GSG1L: variants seen among roughly 807,000 people sequenced by gnomAD.
GSG1L encodes GSG1 like, also known as germ cell-specific gene 1-like protein.
In GSG1L, 24 loss-of-function variants were observed where a neutral mutation model predicts 42.1. The ratio of observed to expected loss-of-function variants is 0.57; its 90% CI spans 0.41 to 0.80. The LOEUF is 0.80. Ranked by LOEUF, GSG1L falls within the 30% of genes least tolerant of loss-of-function variation. The probability of loss-of-function intolerance (pLI) is 0.00; values close to 1 mark genes in which losing one functional copy is unlikely to be tolerated. For missense variants in GSG1L, 445 were observed against 472.2 expected, an observed-to-expected ratio of 0.94 and a Z score of 0.53; for synonymous variants, 215 against 203.5, an observed-to-expected ratio of 1.06 and a Z score of -0.48.
intron 2 of GSG1L, among the ~76,000 whole-genome samples, chr16:27,944,673 A>G (rs956867611): frequency 2.6e-5 from 4 of 151,940 alleles, no homozygotes; most frequent in African/African-American, 9.7e-5. Flanking sequence ...CACATTATGA[A>G]TGAACCTTGC....
rs571669719 is a variant in GSG1L, at chr16:27,789,091, G to C, written c.*2279C>G. 1 of 152,270 alleles carries C rather than the reference G, an allele frequency of 6.6e-6. No individual in the cohort carries two copies. Among genetic ancestry groups the C allele is most frequent in the African/African-American group, 2.4e-5 (1 of 41,448 alleles). The allele number at this position is 152,270 out of a possible 1,614,324, so 9.4% of individuals were successfully genotyped here. A position where few individuals can be genotyped will look rare whatever the true frequency, so the allele number is the denominator to read the frequency against. On this transcript the variant is annotated 3_prime_UTR_variant, in exon 7 of 7. Coordinates refer to ENST00000447459, the MANE Select transcript of GSG1L (RefSeq NM_001109763.2). Reference sequence around the variant, plus strand: ...ATGGAAGGAGGATGGATGGAAGTCTGATACAAGGAAGGATGACAAGCAATC... The same window carrying C: ...ATGGAAGGAGGATGGATGGAAGTCTCATACAAGGAAGGATGACAAGCAATC...
At chr16:27,903,247 G>A (rs907144747) in intron 2 of GSG1L, among the ~76,000 whole-genome samples, 2 of 152,154 alleles carry the variant, frequency 1.3e-5, no homozygotes, top group African/African-American at 4.8e-5. Flanking sequence ...AGGCAGCAGG[G>A]AGTTGTGGGA....
chr16:27,804,044 TAG>T (rs1491080570), intron 6 of GSG1L, among the ~76,000 whole-genome samples: 1 of 131,026 alleles, frequency 7.6e-6, no homozygotes, highest in African/African-American at 3.1e-5. Context: ...GATGGATAGA[TAG>T]ATAGATAGAT....
In GSG1L at chr16:28,059,461, G is replaced by A. The variant is rs1358208955; in HGVS notation, c.349+3615C>T. 6.6e-6 allele frequency among the ~76,000 whole-genome samples: 1 copy of A among 151,878 alleles called. No individual in the cohort carries two copies. Among genetic ancestry groups the A allele is most frequent in the Non-Finnish European group, 1.5e-5 (1 of 67,984 alleles). On this transcript the variant is annotated intron_variant, in intron 1 of 6. Transcript: ENST00000447459. This position sits in a 1 kb window ranked among gnomAD's most constrained non-coding sequence, Gnocchi z 4.4. Reference sequence around the variant, plus strand: ...CACCTCCCTCCTGCCAGCCTGGCAAGTCCCCCAAGACCCCTCCACCTCCCC... The same window carrying A: ...CACCTCCCTCCTGCCAGCCTGGCAAATCCCCCAAGACCCCTCCACCTCCCC...
chr16:27,959,516 G>A (rs1386418260), intron 2 of GSG1L, among the ~76,000 whole-genome samples: 1 of 144,292 alleles, frequency 6.9e-6, no homozygotes, highest in Non-Finnish European at 1.5e-5. Flanking sequence ...GGGAGGGGGA[G>A]GGAAGGGGAG....
chr16:27,964,527 C>A (rs997542944), intron 1 of GSG1L, among the ~76,000 whole-genome samples: 1 of 152,104 alleles, frequency 6.6e-6, no homozygotes, highest in African/African-American at 2.4e-5. Context: ...GCATCCTAAC[C>A]ATCAACAGAT....
chr16:27,990,186 G>T (rs2085439689), intron 1 of GSG1L, among the ~76,000 whole-genome samples: 1 of 151,972 alleles, frequency 6.6e-6, no homozygotes, highest in African/African-American at 2.4e-5. Flanking sequence ...AACCATTGTT[G>T]TTTCTTTTTA....
intron 1 of GSG1L, among the ~76,000 whole-genome samples, chr16:27,967,467 C>T (rs538440796): frequency 7.9e-5 from 12 of 152,282 alleles, no homozygotes; most frequent in Admixed American, 2.0e-4. Flanking sequence ...CCTTGTGCTC[C>T]GTACTGAGAT....
At chr16:27,791,581 T>G in intron 6 of GSG1L, 114 bp from the exon 7 acceptor site, 2 of 558,058 alleles carry the variant, frequency 3.6e-6, no homozygotes, top group Non-Finnish European at 5.6e-6. Flanking sequence ...CTAGGCCTTC[T>G]GCCCATCATG....
intron 5 of GSG1L, among the ~76,000 whole-genome samples, chr16:27,820,138 A>T (rs928390886): frequency 2.6e-5 from 4 of 152,124 alleles, no homozygotes; most frequent in Admixed American, 6.5e-5. Flanking sequence ...AATATCATGA[A>T]TGAGTCTTGG....
At chr16:27,813,154 G>C (rs1036640707) in intron 5 of GSG1L, among the ~76,000 whole-genome samples, 1 of 152,174 alleles carries the variant, frequency 6.6e-6, no homozygotes, top group Admixed American at 6.5e-5. Context: ...TAAATTGCAT[G>C]TCACGGGGGT....
intron 3 of GSG1L, among the ~76,000 whole-genome samples, chr16:27,877,454 T>C (rs1008432181): frequency 1.3e-5 from 2 of 152,230 alleles, no homozygotes; most frequent in African/African-American, 2.4e-5. Context: ...ACATTCTTTT[T>C]TTCTTCTGGT....
intron 1 of GSG1L, among the ~76,000 whole-genome samples, chr16:27,997,058 G>A (rs2085522127): frequency 6.6e-6 from 1 of 152,110 alleles, no homozygotes; most frequent in Non-Finnish European, 1.5e-5. Context: ...CACCGCGCCT[G>A]GCCTTATCTT....
At chr16:27,834,965 T>A (rs2083308477) in intron 4 of GSG1L, among the ~76,000 whole-genome samples, 1 of 152,164 alleles carries the variant, frequency 6.6e-6, no homozygotes. Context: ...TTGCCCTTCT[T>A]TTTCTAGGTT....
In GSG1L at chr16:27,969,817, C is replaced by T. The variant is rs139982837; in HGVS notation, c.350-6614G>A. Among the ~76,000 whole-genome samples, 383 of 152,320 alleles carry T rather than the reference C, an allele frequency of 2.5e-3. 4 individuals are homozygous for T. The highest frequency in any genetic ancestry group is 8.6e-3 in the African/African-American group (357 of 41,560). On this transcript the variant is annotated intron_variant, in intron 1 of 6. Transcript: ENST00000447459. ...AAAGCAGATGCATCATTCTATGTTC[C>T]CATCAGCAACATATGAGGATTCCAA...
At chr16:27,869,851 C>CTCTCTCTGTCTCTGTCTCCCTCCA (rs1567496442) in intron 3 of GSG1L, among the ~76,000 whole-genome samples, 19 of 143,254 alleles carry the variant, frequency 1.3e-4, no homozygotes, top group African/African-American at 5.0e-4. Flanking sequence ...CTCTCTCCAT[C>CTCTCTCTGTCTCTGTCTCCCTCCA]TCTCTCTGTC....
intron 3 of GSG1L, among the ~76,000 whole-genome samples, chr16:27,873,672 T>C (rs1475942853): frequency 6.6e-6 from 1 of 152,146 alleles, no homozygotes; most frequent in Non-Finnish European, 1.5e-5. Context: ...CCCAGGGGGA[T>C]GGGGGCTTAG....
intron 3 of GSG1L, among the ~76,000 whole-genome samples, chr16:27,872,740 A>G (rs1163828163): frequency 6.6e-6 from 1 of 152,176 alleles, no homozygotes; most frequent in Non-Finnish European, 1.5e-5. Context: ...ATTCATTAGC[A>G]TGCTAAGAGA....
At chr16:28,050,318 C>T (rs2086207831) in intron 1 of GSG1L, among the ~76,000 whole-genome samples, 1 of 152,164 alleles carries the variant, frequency 6.6e-6, no homozygotes, top group South Asian at 2.1e-4. Flanking sequence ...GTAGCTAGGA[C>T]TACAGGTGCA....
Sources: allele counts gnomAD v4.1 joint callset (sites outside exome capture counted in the v4.1 genomes callset), GRCh38; gene constraint gnomAD v4.1.1; non-coding constraint Gnocchi (gnomAD v3.1); transcripts MANE v1.5; gene names NCBI Gene and HGNC (gene_info 2026-07-23, HGNC 2026-07-21).